Variants in PCDHA4 observed in about 807,000 individuals in gnomAD.
The protein encoded by PCDHA4 is protocadherin alpha 4, also known as protocadherin alpha-4.
PCDHA4 carries 49 observed loss-of-function variants against 61.4 expected under a neutral mutation model. The ratio of observed to expected loss-of-function variants is 0.80; its 90% CI spans 0.63 to 1.01. The LOEUF (loss-of-function observed/expected upper bound fraction) is 1.01. PCDHA4 is among the 50% of genes least tolerant of loss of function. The pLI is 0.00. For synonymous variants in PCDHA4, 590 were observed against 550.3 expected (o/e 1.07, Z -1.01); for missense variants, 1,254 against 1,235.8 (o/e 1.01, Z -0.22).
At chr5:140,930,003 A>G (rs1440351209) in intron 1 of PCDHA4, 1 of 152,218 alleles carries the variant, frequency 6.6e-6, no homozygotes, top group Non-Finnish European at 1.5e-5. Flanking sequence ...ACCCTAAAAC[A>G]TAGCTGATAG....
In PCDHA4 at chr5:140,876,565, G is replaced by C. The variant is rs371696514; in HGVS notation, c.2385+66993G>C. 63 of 1,614,064 alleles carry C rather than the reference G, an allele frequency of 3.9e-5. No homozygotes were observed. In the Middle Eastern group the frequency reaches 4.9e-4, roughly 13 times the overall value. On this transcript the variant is annotated intron_variant, in intron 1 of 3. Transcript: ENST00000530339. ...GCTCCCTGTGCAAGAGGATGCTCAG[G>C]TGGGTACCGTCATTGCCCTGATTAG...
At chr5:140,818,421 A>G (rs1363859481) in intron 1 of PCDHA4, among the ~76,000 whole-genome samples, 2 of 152,234 alleles carry the variant, frequency 1.3e-5, no homozygotes, top group Non-Finnish European at 2.9e-5. Context: ...TTTTAAAAAT[A>G]TATTTCTAAC....
At chr5:140,936,367 A>C (rs1347774517) in intron 1 of PCDHA4, among the ~76,000 whole-genome samples, 2 of 152,230 alleles carry the variant, frequency 1.3e-5, no homozygotes, top group East Asian at 1.9e-4. Flanking sequence ...GCTACTGAGC[A>C]CTTGAAATGT....
rs1781486578 is a variant in PCDHA4, at chr5:140,848,384, T to G, written c.2385+38812T>G. Reference sequence around the variant, plus strand: ...GGAAAGAGGCTCAATTCTTTTTCACTCTCTCTGTGCTGAACGATGGCGAAC... The same window carrying G: ...GGAAAGAGGCTCAATTCTTTTTCACGCTCTCTGTGCTGAACGATGGCGAAC... On this transcript the variant is annotated intron_variant, in intron 1 of 3. Transcript: ENST00000530339. 4 of 1,203,868 alleles carry G rather than the reference T, an allele frequency of 3.3e-6. No homozygotes were observed. In the East Asian group the frequency reaches 9.3e-5, roughly 28 times the overall value. The allele number at this position is 1,203,868 out of a possible 1,614,324, so 74.6% of individuals were successfully genotyped here. A position where few individuals can be genotyped will look rare whatever the true frequency, so the allele number is the denominator to read the frequency against.
intron 1 of PCDHA4, among the ~76,000 whole-genome samples, chr5:140,978,436 G>A (rs190191755): frequency 6.6e-6 from 1 of 152,348 alleles, no homozygotes; most frequent in East Asian, 1.9e-4. Flanking sequence ...AGTTGCTGGT[G>A]TTATGACTGG....
chr5:140,870,917 G>A, intron 1 of PCDHA4: 1 of 1,613,936 alleles, frequency 6.2e-7, no homozygotes, highest in Non-Finnish European at 8.5e-7. Flanking sequence ...TACAACGCGT[G>A]GCTTTCATAT....
At chr5:140,877,207 G>C in intron 1 of PCDHA4, 3 of 1,613,796 alleles carry the variant, frequency 1.9e-6, no homozygotes, top group Non-Finnish European at 2.5e-6. Context: ...CGCAGTTAGC[G>C]AGTTGGTACC....
intron 1 of PCDHA4, among the ~76,000 whole-genome samples, chr5:140,831,468 T>C (rs1272624031): frequency 7.9e-6 from 1 of 126,066 alleles, no homozygotes; most frequent in African/African-American, 3.3e-5. Flanking sequence ...CAAGTGATTC[T>C]CTCACCTCAG....
At chr5:141,006,445 C>T (rs1202981865) in intron 3 of PCDHA4, among the ~76,000 whole-genome samples, 2 of 152,062 alleles carry the variant, frequency 1.3e-5, no homozygotes, top group Non-Finnish European at 2.9e-5. Context: ...AATCTCCTGA[C>T]CTCGAGATCT....
chr5:140,979,197 T>C (rs954222917), intron 2 of PCDHA4, among the ~76,000 whole-genome samples, 190 bp downstream of exon 2: 2 of 152,214 alleles, frequency 1.3e-5, no homozygotes, highest in Non-Finnish European at 2.9e-5. Flanking sequence ...CAGATGCTTA[T>C]CAAGTGCTGG....
intron 2 of PCDHA4, among the ~76,000 whole-genome samples, chr5:140,981,680 C>G (rs1238332235): frequency 6.6e-6 from 1 of 151,746 alleles, no homozygotes; most frequent in Non-Finnish European, 1.5e-5. Context: ...CTTCCTTCCT[C>G]CCTTCCATCA....
chr5:140,824,073 A>C, intron 1 of PCDHA4: 2 of 1,614,196 alleles, frequency 1.2e-6, no homozygotes, highest in Non-Finnish European at 1.7e-6. Context: ...CACCCAAAAC[A>C]GACCTCATGG....
intron 1 of PCDHA4, among the ~76,000 whole-genome samples, chr5:140,964,719 C>T (rs1042863318): frequency 1.3e-5 from 2 of 151,420 alleles, no homozygotes; most frequent in Non-Finnish European, 2.9e-5. Flanking sequence ...ATCAAATTAC[C>T]ACAGCAAACT....
At chr5:140,869,631 G>A in intron 1 of PCDHA4, 1 of 1,613,652 alleles carries the variant, frequency 6.2e-7, no homozygotes, top group Non-Finnish European at 8.5e-7. Context: ...GTAAAAATGA[G>A]TATTTTTCTT....
chr5:140,907,790 A>G (rs2073612747), intron 1 of PCDHA4, among the ~76,000 whole-genome samples: 1 of 152,178 alleles, frequency 6.6e-6, no homozygotes, highest in African/African-American at 2.4e-5. Context: ...CTGGGGAAAG[A>G]GGCTAAGTGG....
intron 3 of PCDHA4, among the ~76,000 whole-genome samples, chr5:140,999,739 T>C (rs2097873545): frequency 6.6e-6 from 1 of 152,196 alleles, no homozygotes; most frequent in Admixed American, 6.5e-5. Flanking sequence ...AATGTTTGAA[T>C]CTGGGTTCGC....
chr5:140,808,665 C>A lies in PCDHA4; in HGVS notation c.1478C>A (p.Ser493Ter). ...DAQENALVSYSLVERRVGERA... is the reference protein window; with the variant it reads ...DAQENALVSY ...CAGGAGAACGCGCTGGTGTCCTACT[C>A]GCTGGTAGAGCGGCGGGTAGGGGAG... is the stretch of plus-strand genomic sequence containing the variant. The change falls in exon 1 of 4, where the codon TCG (serine) becomes TAG (stop). Residue 493 changes from serine (S) to a stop codon, truncating the protein, a stop_gained. Transcript: ENST00000530339. LOFTEE classifies it high-confidence loss of function. 1 of 1,613,018 alleles carries A rather than the reference C, an allele frequency of 6.2e-7. No homozygotes were observed. The highest frequency in any genetic ancestry group is 8.5e-7 in the Non-Finnish European group (1 of 1,179,868).
At chr5:140,848,439 G>T in intron 1 of PCDHA4, 4 of 1,486,148 alleles carry the variant, frequency 2.7e-6, no homozygotes, top group South Asian at 2.5e-5. Flanking sequence ...GAAATCAGAT[G>T]ATTTCTTCTA....
chr5:140,851,307 T>C (rs1562478803), intron 1 of PCDHA4: 21 of 1,000,198 alleles, frequency 2.1e-5, no homozygotes, highest in Non-Finnish European at 2.6e-5. Context: ...TATATAGCAA[T>C]TGTTACCTTG....
Sources: gnomAD v4.1 joint callset for allele counts (sites outside exome capture counted in the v4.1 genomes callset) on GRCh38, gnomAD v4.1.1 for gene constraint, MANE v1.5 for transcripts, NCBI Gene and HGNC (gene_info 2026-07-23, HGNC 2026-07-21) for gene names.